Variants in ENOX2 observed in about 807,000 individuals in gnomAD.
ENOX2 encodes ecto-NOX disulfide-thiol exchanger 2.
In ENOX2, 36 loss-of-function variants were observed where a neutral mutation model predicts 45.0. The observed-to-expected ratio is 0.80, with a 90% CI of 0.61 to 1.06. The LOEUF (loss-of-function observed/expected upper bound fraction) is 1.06, where lower values mean the gene tolerates loss of function less well. ENOX2 is among the 50% of genes least tolerant of loss of function. The pLI, the probability that ENOX2 is intolerant of heterozygous loss-of-function variation, is 0.00. For synonymous variants in ENOX2, 174 were observed against 152.3 expected, an observed-to-expected ratio of 1.14 and a Z score of -1.05; for missense variants, 423 against 462.5, an observed-to-expected ratio of 0.91 and a Z score of 0.78.
At chrX:130,658,923 A>C (rs1249593581) in intron 9 of ENOX2, among the ~76,000 whole-genome samples, 1 of 112,366 alleles carries the variant, frequency 8.9e-6, no homozygotes, top group African/African-American at 3.2e-5. Context: ...AATGGATATA[A>C]ACACAGACCT....
At chrX:130,833,077 C>T (rs763288045) in intron 2 of ENOX2, among the ~76,000 whole-genome samples, 1 of 108,929 alleles carries the variant, frequency 9.2e-6, no homozygotes, top group East Asian at 2.9e-4. Context: ...ATTTTCTTTT[C>T]ACCCTAGAAT....
chrX:130,773,096 T>C (rs1484601278), intron 3 of ENOX2, among the ~76,000 whole-genome samples: 1 of 112,514 alleles, frequency 8.9e-6, no homozygotes, highest in Non-Finnish European at 1.9e-5. Context: ...CACAGCTTAT[T>C]GTGGTAACTT....
intron 4 of ENOX2, among the ~76,000 whole-genome samples, chrX:130,697,745 C>A (rs187305213): frequency 8.9e-6 from 1 of 112,117 alleles, no homozygotes; most frequent in East Asian, 2.8e-4. Context: ...TGACTCAGTT[C>A]TTTCTCCTAA....
chrX:130,805,481 C>T (rs1214635340), intron 2 of ENOX2, among the ~76,000 whole-genome samples: 3 of 111,751 alleles, frequency 2.7e-5, no homozygotes, highest in Non-Finnish European at 5.6e-5. Context: ...TACGCTCTGC[C>T]TGTGTTCCTT....
At chrX:130,769,747 G>A (rs767507587) in intron 3 of ENOX2, among the ~76,000 whole-genome samples, 8 of 111,846 alleles carry the variant, frequency 7.2e-5, no homozygotes, top group Admixed American at 1.9e-4. Flanking sequence ...CATGTTTGCC[G>A]AGTAAACATA....
intron 2 of ENOX2, among the ~76,000 whole-genome samples, chrX:130,827,320 C>T (rs1319284476): frequency 8.9e-6 from 1 of 111,761 alleles, no homozygotes; most frequent in Non-Finnish European, 1.9e-5. Context: ...TGCAGTGATT[C>T]TGCCCCCTCT....
At chrX:130,831,009 C>A (rs747423955) in intron 2 of ENOX2, among the ~76,000 whole-genome samples, 1 of 111,911 alleles carries the variant, frequency 8.9e-6, no homozygotes, top group East Asian at 2.8e-4. Context: ...CTGGCAAGGG[C>A]CTTCATGCTA....
chrX:130,733,951 A>G (rs1361143551), intron 3 of ENOX2, among the ~76,000 whole-genome samples: 1 of 112,551 alleles, frequency 8.9e-6, no homozygotes, highest in Admixed American at 9.4e-5. Flanking sequence ...ATCTTCAGTT[A>G]TCTCAAAATT....
At chrX:130,786,536 A>G (rs2076971622) in intron 2 of ENOX2, among the ~76,000 whole-genome samples, 2 of 85,956 alleles carry the variant, frequency 2.3e-5, no homozygotes, top group Non-Finnish European at 4.5e-5. Context: ...TATATCTCCC[A>G]ATGCTATCCC....
rs764526580 is a variant in ENOX2 at position 130,637,283 on chromosome X, A to G, written c.1257T>C (p.Pro419=). The change falls in exon 11 of 15, where the codon CCT becomes CCC. Residue 419 remains proline (P), a synonymous_variant. Transcript: ENST00000394363. ...GGAGTTTCAGCTGCTGTTCTTTGTT[A>G]GGGTCATCTTCTCTGTGGACTTTGC... ...EQGKVHREDD[P]NKEQQLKLLQ... 27 of 1,211,190 alleles carry G rather than the reference A, an allele frequency of 2.2e-5. No homozygotes were observed. The highest frequency in any genetic ancestry group is 3.0e-5 in the Non-Finnish European group (27 of 895,131).
intron 2 of ENOX2, among the ~76,000 whole-genome samples, chrX:130,798,096 G>A (rs1603352548): frequency 9.0e-6 from 1 of 111,380 alleles, no homozygotes; most frequent in Non-Finnish European, 1.9e-5. Flanking sequence ...ATTGGTCAGG[G>A]TGGAACCTAA....
intron 6 of ENOX2, among the ~76,000 whole-genome samples, chrX:130,673,449 C>G (rs2037043789): frequency 1.9e-5 from 2 of 104,661 alleles, no homozygotes; most frequent in Admixed American, 1.0e-4. Flanking sequence ...AAAAACAATG[C>G]AGGATATGAA....
At chrX:130,802,639 T>C (rs1235865779) in intron 2 of ENOX2, among the ~76,000 whole-genome samples, 4 of 111,599 alleles carry the variant, frequency 3.6e-5, no homozygotes, top group African/African-American at 1.3e-4. Flanking sequence ...GTGGCAGAGT[T>C]TGGTCTCCCA....
rs772547503 is a variant in ENOX2 at position 130,885,422 on chromosome X, C to T, written c.-183+16262G>A. On this transcript the variant is annotated intron_variant, in intron 2 of 14. Coordinates refer to ENST00000394363, the MANE Select transcript of ENOX2 (RefSeq NM_006375.4). ...GATCATATCACTGACCTCACACTTA[C>T]TGAGAATGAACTAAGAAAGTATATA... is the stretch of plus-strand genomic sequence containing the variant. Among the ~76,000 whole-genome samples, 86 of 111,995 alleles carry T rather than the reference C, an allele frequency of 7.7e-4. 1 individual carries two copies. Among genetic ancestry groups the T allele is most frequent in the African/African-American group, 2.8e-3 (85 of 30,836 alleles).
intron 2 of ENOX2, among the ~76,000 whole-genome samples, chrX:130,845,467 T>G (rs780223773): frequency 2.1e-4 from 24 of 112,492 alleles, no homozygotes; most frequent in African/African-American, 7.1e-4. Flanking sequence ...TTTGTTTGTT[T>G]GTTGGTTTGT....
chrX:130,791,824 A>C (rs770710575), intron 2 of ENOX2, among the ~76,000 whole-genome samples: 1 of 111,938 alleles, frequency 8.9e-6, no homozygotes, highest in East Asian at 2.8e-4. Context: ...GCATAATTTC[A>C]TTCTCTCTTT....
intron 5 of ENOX2, among the ~76,000 whole-genome samples, chrX:130,688,056 T>G (rs1319738255): frequency 8.9e-6 from 1 of 112,307 alleles, no homozygotes; most frequent in Non-Finnish European, 1.9e-5. Context: ...GCAGTGGTGG[T>G]TCCCTTGGTA....
intron 2 of ENOX2, among the ~76,000 whole-genome samples, chrX:130,784,877 G>A (rs1377091785): frequency 9.3e-6 from 1 of 107,708 alleles, no homozygotes; most frequent in Admixed American, 9.9e-5. Context: ...CTTGAGCCAC[G>A]GTGCGCAGCC....
intron 5 of ENOX2, among the ~76,000 whole-genome samples, chrX:130,687,315 C>A (rs983193900): frequency 6.2e-5 from 7 of 112,206 alleles, no homozygotes; most frequent in African/African-American, 2.3e-4. Context: ...CTGCTGCAGG[C>A]TGATTATGCG....
Sources: gnomAD v4.1 joint callset for allele counts (sites outside exome capture counted in the v4.1 genomes callset) on GRCh38, gnomAD v4.1.1 for gene constraint, MANE v1.5 for transcripts, NCBI Gene and HGNC (gene_info 2026-07-23, HGNC 2026-07-21) for gene names.